Variants in SPTBN1 observed in about 807,000 individuals in gnomAD.
SPTBN1 encodes the protein spectrin beta chain, non-erythrocytic 1.
A neutral mutation model predicts 266.4 loss-of-function variants in SPTBN1; 32 were observed. The observed-to-expected ratio is 0.12, with a 90% confidence interval of 0.09 to 0.16. The LOEUF is 0.16. Among genes scored for constraint, SPTBN1 ranks in the 10% least tolerant of loss-of-function variants. The pLI is 1.00. For missense variants in SPTBN1, 2,296 were observed against 3,067.1 expected (o/e 0.75, Z 5.94); for synonymous variants, 1,336 against 1,162.2 (o/e 1.15, Z -3.04).
At chr2:54,528,142 C>A (rs1670937517) in intron 2 of SPTBN1, 1 of 152,636 alleles carries the variant, frequency 6.6e-6, no homozygotes, top group Non-Finnish European at 1.5e-5. Context: ...GAGATCATGA[C>A]CCTGGCTTGT....
intron 29 of SPTBN1, 143 bp downstream of exon 29, chr2:54,656,141 C>A: frequency 1.6e-6 from 1 of 634,762 alleles, no homozygotes; most frequent in Non-Finnish European, 2.7e-6. Context: ...TTCACCATTT[C>A]ATGGTAAATA....
Position 54,613,977 on chromosome 2 carries a change from C to T in SPTBN1, c.474+1643C>T, listed in dbSNP as rs1007738309. ...GTCAGCACCCAGGTCAGGGAGCTGG[C>T]ACACACAGCCCTTTTCAGGATTCTC... On this transcript the variant is annotated intron_variant, in intron 4 of 35. Coordinates refer to ENST00000356805, the MANE Select transcript of SPTBN1 (RefSeq NM_003128.3). Among the ~76,000 whole-genome samples, 5 of 152,220 alleles carry T rather than the reference C, an allele frequency of 3.3e-5. No individual in the cohort carries two copies. In the South Asian group the frequency reaches 8.3e-4, roughly 25 times the overall value.
At chr2:54,493,735 T>C (rs6743902) in intron 1 of SPTBN1, among the ~76,000 whole-genome samples, 1 of 152,176 alleles carries the variant, frequency 6.6e-6, no homozygotes, top group Non-Finnish European at 1.5e-5. Flanking sequence ...AGGTTAAAAT[T>C]GAAGAAGAGG....
chr2:54,516,940 AT>A (rs1423983648), intron 1 of SPTBN1, among the ~76,000 whole-genome samples: 5 of 152,238 alleles, frequency 3.3e-5, no homozygotes, highest in African/African-American at 1.2e-4. Flanking sequence ...GTAGATTTAA[AT>A]TTTTTCTGAT....
In SPTBN1 at chr2:54,558,338, G is replaced by A; in HGVS notation, c.148+31772G>A. 1.0e-6 allele frequency: 1 copy of A among 995,954 alleles called. No homozygotes were observed. The highest frequency in any genetic ancestry group is 1.2e-6 in the Non-Finnish European group (1 of 836,600). The allele number at this position is 995,954 out of a possible 1,614,324, so 61.7% of individuals were successfully genotyped here. A position where few individuals can be genotyped will look rare whatever the true frequency, so the allele number is the denominator to read the frequency against. On this transcript the variant is annotated intron_variant, in intron 2 of 35. Coordinates refer to ENST00000356805, the MANE Select transcript of SPTBN1 (RefSeq NM_003128.3). This position sits in a 1 kb window ranked among gnomAD's most constrained non-coding sequence, Gnocchi z 4.6. ...AGGTGACATCACCGCCCAGCACACG[G>A]CGAGTGGCTCCTGATAAAATTACAA...
rs192334838 is a variant in SPTBN1 at position 54,586,444 on chromosome 2, T to A, written c.149-12648T>A. The stretch of plus-strand genomic sequence containing the variant: ...TCATTAAGTGGAATCTTGTCATAAT[T>A]CTATAGTTTCAAGTGATAACTTGGC... On this transcript the variant is annotated intron_variant, in intron 2 of 35. Coordinates refer to ENST00000356805, the MANE Select transcript of SPTBN1 (RefSeq NM_003128.3). Among the ~76,000 whole-genome samples, 117 of 152,380 alleles carry A rather than the reference T, an allele frequency of 7.7e-4. 1 individual carries two copies. The highest frequency in any genetic ancestry group is 2.8e-3 in the African/African-American group (116 of 41,600).
At chr2:54,612,012 C>G (rs1416602624) in intron 3 of SPTBN1, 149 bp from the exon 4 acceptor site, 4 of 715,250 alleles carry the variant, frequency 5.6e-6, no homozygotes, top group Non-Finnish European at 8.6e-6. Flanking sequence ...AAATACCGTC[C>G]TTGGACTTAA....
intron 2 of SPTBN1, among the ~76,000 whole-genome samples, chr2:54,552,601 C>T (rs1229009956): frequency 4.6e-5 from 7 of 152,048 alleles, no homozygotes; most frequent in Non-Finnish European, 1.0e-4. Flanking sequence ...GGATTACAGG[C>T]GCCCACCACC....
intron 2 of SPTBN1, among the ~76,000 whole-genome samples, chr2:54,566,480 G>A (rs149936948): frequency 1.9e-3 from 282 of 152,182 alleles, no homozygotes; most frequent in African/African-American, 6.3e-3. Context: ...GAGCCACTGC[G>A]CCTGGCCCCT....
chr2:54,658,688 G>A (rs573828325), intron 30 of SPTBN1, among the ~76,000 whole-genome samples: 3 of 152,284 alleles, frequency 2.0e-5, no homozygotes, highest in Admixed American at 2.0e-4. Context: ...CTTTGTTTCA[G>A]TTAGACTATT....
intron 1 of SPTBN1, among the ~76,000 whole-genome samples, chr2:54,506,078 C>T (rs963153297): frequency 5.9e-5 from 9 of 151,880 alleles, no homozygotes; most frequent in East Asian, 1.9e-4. Context: ...GAGCCAAGAT[C>T]GCGCCACTGC....
chr2:54,624,786 G>T lies in SPTBN1; in HGVS notation c.1183-18G>T. On this transcript the variant is annotated intron_variant, in intron 10 of 35. Coordinates refer to ENST00000356805, the MANE Select transcript of SPTBN1 (RefSeq NM_003128.3). ...CAGGAAACTGTGTTTGTGTGTGTGT[G>T]TATTTTCATTTTTGTAGGCCTGGGA... 1 of 1,613,948 alleles carries T rather than the reference G, an allele frequency of 6.2e-7. No individual in the cohort carries two copies.
At position 54,653,684 on chromosome 2, in the gene SPTBN1, C is replaced by T. The variant is rs573784455; in HGVS notation, c.5653C>T (p.Arg1885Cys). ...TGACAAGGCCGACGATATCCAGAAG[C>T]GCGAGAACGAGGTCCTGGAAGCCTG... Reference protein sequence around the residue: ...AGDKADDIQKRENEVLEAWKS... With the variant: ...AGDKADDIQKCENEVLEAWKS... Residue 1885 changes from arginine to cysteine, a missense_variant, in exon 27 of 36, where the codon CGC becomes TGC. Around this residue, in one of 12 missense-constraint regions of SPTBN1, gnomAD observed 644 missense variants for 745.3 expected, o/e 0.86. Coordinates refer to ENST00000356805, the MANE Select transcript of SPTBN1 (RefSeq NM_003128.3). This position sits in a 1 kb window ranked among gnomAD's most constrained non-coding sequence, Gnocchi z 5.1. 102 of 1,614,152 alleles carry T rather than the reference C, an allele frequency of 6.3e-5. No individual in the cohort carries two copies. Among genetic ancestry groups the T allele is most frequent in the Admixed American group, 6.0e-4 (36 of 60,008 alleles).
At position 54,646,908 on chromosome 2, in the gene SPTBN1, C is replaced by T. The variant is rs1306228844; in HGVS notation, c.4867-223C>T. On this transcript the variant is annotated intron_variant, in intron 23 of 35. Transcript: ENST00000356805. The surrounding 1 kb of genome is among the most constrained non-coding windows in gnomAD (Gnocchi z 4.4). Reference sequence around the variant, plus strand: ...GCTTTTCTCTGAGAGGGGCCCTGCTCATTCTGCGTTCTCCTTGTGTTTATC... The same window carrying T: ...GCTTTTCTCTGAGAGGGGCCCTGCTTATTCTGCGTTCTCCTTGTGTTTATC... 6.6e-6 allele frequency among the ~76,000 whole-genome samples: 1 copy of T among 152,212 alleles called. No individual in the cohort carries two copies. The highest frequency in any genetic ancestry group is 1.5e-5 in the Non-Finnish European group (1 of 68,042).
Position 54,668,461 on chromosome 2 carries a change from C to T in SPTBN1, c.6987C>T (p.Leu2329=). ...STPASSRAQT[L]PTSVVTITSE... is the part of the protein sequence containing the mutation. Reference sequence around the variant, plus strand: ...CAGCATCCAGCCGCGCGCAGACCCTCCCCACCAGCGTCGTCACCATCACCA... The same window carrying T: ...CAGCATCCAGCCGCGCGCAGACCCTTCCCACCAGCGTCGTCACCATCACCA... Residue 2329 remains leucine, a synonymous_variant, in exon 36 of 36, where the codon CTC becomes CTT. Coordinates refer to ENST00000356805, the MANE Select transcript of SPTBN1 (RefSeq NM_003128.3). 3 of 1,614,228 alleles carry T rather than the reference C, an allele frequency of 1.9e-6. No homozygotes were observed. Among genetic ancestry groups the T allele is most frequent in the Non-Finnish European group, 2.5e-6 (3 of 1,180,044 alleles).
At chr2:54,487,170 CT>C (rs34779689) in intron 1 of SPTBN1, among the ~76,000 whole-genome samples, 23,379 of 98,618 alleles carry the variant, frequency 0.24, 1,721 homozygotes, top group East Asian at 0.34. Context: ...ATTAGGATTT[CT>C]TTTTTTTTTT....
intron 3 of SPTBN1, among the ~76,000 whole-genome samples, chr2:54,601,432 G>C (rs547804052): frequency 6.6e-6 from 1 of 152,298 alleles, no homozygotes; most frequent in African/African-American, 2.4e-5. Flanking sequence ...TGGCCGTGGA[G>C]GTTGCCAGGA....
In SPTBN1 at chr2:54,571,580, C is replaced by T. The variant is rs1226923354; in HGVS notation, c.149-27512C>T. On this transcript the variant is annotated intron_variant, in intron 2 of 35. Coordinates refer to ENST00000356805, the MANE Select transcript of SPTBN1 (RefSeq NM_003128.3). ...ACACACACACACACACACACATACA[C>T]ACACACACACACACACACACATATC... is the stretch of plus-strand genomic sequence containing the variant. Among the ~76,000 whole-genome samples, 4 of 131,736 alleles carry T rather than the reference C, an allele frequency of 3.0e-5. No individual in the cohort carries two copies. The East Asian group carries it at 6.1e-4, about 20-fold the overall frequency. The allele number at this position is 131,736 out of a possible 152,430, so 86.4% of individuals were successfully genotyped here. A position where few individuals can be genotyped will look rare whatever the true frequency, so the allele number is the denominator to read the frequency against.
In SPTBN1 at chr2:54,668,636, A is replaced by G; in HGVS notation, c.*67A>G. The G allele has an allele frequency of 7.1e-7, 1 of 1,402,984 alleles. No individual in the cohort carries two copies. Among genetic ancestry groups the G allele is most frequent in the Non-Finnish European group, 9.7e-7 (1 of 1,029,242 alleles). 86.9% of individuals were successfully genotyped at this position (1,402,984 alleles called of 1,614,324 possible). On this transcript the variant is annotated 3_prime_UTR_variant, in exon 36 of 36. Transcript: ENST00000356805. ...TGAAATTCCAGCATGCAAGCTCAGAACCAACACATTACTCTCTGTGCCTAA... is the reference window on the plus strand; with the variant it reads ...TGAAATTCCAGCATGCAAGCTCAGAGCCAACACATTACTCTCTGTGCCTAA...
Sources: allele counts gnomAD v4.1 joint callset (sites outside exome capture counted in the v4.1 genomes callset), GRCh38; gene constraint gnomAD v4.1.1; regional missense constraint gnomAD v4.1.1; non-coding constraint Gnocchi (gnomAD v3.1); transcripts MANE v1.5; gene names NCBI Gene and HGNC (gene_info 2026-07-23, HGNC 2026-07-21).